Variants in DLL4 observed in about 807,000 individuals in gnomAD.
DLL4 encodes the protein delta-like protein 4.
In DLL4, 7 loss-of-function variants were observed where a neutral mutation model predicts 73.6. The observed-to-expected ratio is 0.10, with a 90% confidence interval of 0.05 to 0.18. The LOEUF is 0.18. Among genes scored for constraint, DLL4 ranks in the 10% least tolerant of loss-of-function variants. DLL4 has a pLI of 1.00. For missense variants in DLL4, 614 were observed against 929.9 expected (o/e 0.66, Z 4.42); for synonymous variants, 345 against 374.3 (o/e 0.92, Z 0.90).
chr15:40,929,476 G>A lies in DLL4; in HGVS notation c.-193G>A, dbSNP rs1596191239. ...AAGACGCGTCCTCGGCGCGGTCGCC[G>A]CCCAGCCGTAGTCACCTGGATTACC... On this transcript the variant is annotated 5_prime_UTR_variant, in exon 1 of 11. Transcript: ENST00000249749. The surrounding 1 kb of genome is among the most constrained non-coding windows in gnomAD (Gnocchi z 7.1). 1.7e-6 allele frequency: 1 copy of A among 572,894 alleles called. No homozygotes were observed. Among genetic ancestry groups the A allele is most frequent in the East Asian group, 3.1e-5 (1 of 32,024 alleles). The allele number at this position is 572,894 out of a possible 1,614,324, so 35.5% of individuals were successfully genotyped here. A position where few individuals can be genotyped will look rare whatever the true frequency, so the allele number is the denominator to read the frequency against.
chr15:40,936,499 T>A lies in DLL4; in HGVS notation c.1512T>A (p.Phe504Leu). The A allele has an allele frequency of 6.2e-7, 1 of 1,611,856 alleles. No individual in the cohort carries two copies. The highest frequency in any genetic ancestry group is 8.5e-7 in the Non-Finnish European group (1 of 1,179,646). The change falls in exon 9 of 11, where the codon TTT becomes TTA. Residue 504 changes from phenylalanine to leucine, a missense_variant. Physicochemically the swap from Phe to Leu is conservative, Grantham distance 22. Transcript: ENST00000249749. ...ACACCGACCTCTCCACAGACACCTT[T>A]GTGTGCAACTGCCCTTATGGCTTTG... is the stretch of plus-strand genomic sequence containing the variant. ...TCYTDLSTDT[F>L]VCNCPYGFVG...
chr15:40,930,538 T>C lies in DLL4; in HGVS notation c.337-87T>C. On this transcript the variant is annotated intron_variant, in intron 2 of 10. Coordinates refer to ENST00000249749, the MANE Select transcript of DLL4 (RefSeq NM_019074.4). This position sits in a 1 kb window ranked among gnomAD's most constrained non-coding sequence, Gnocchi z 5.7. ...GCAGTAACTGAATCCTGCAATTAGA[T>C]TAATTAAACAGGCTGCCGCAAGGCA... 1 of 1,084,604 alleles carries C rather than the reference T, an allele frequency of 9.2e-7. No homozygotes were observed. Among genetic ancestry groups the C allele is most frequent in the South Asian group, 1.3e-5 (1 of 75,418 alleles). The allele number at this position is 1,084,604 out of a possible 1,614,324, so 67.2% of individuals were successfully genotyped here.
Position 40,932,486 on chromosome 15 carries a change from G to A in DLL4, c.850+39G>A, listed in dbSNP as rs550507910. ...AAGAGAGGGTGCAGAGGGTGCAAGAGATATGGGGCTGGGGGGTGGAAATCC... is the reference window on the plus strand; with the variant it reads ...AAGAGAGGGTGCAGAGGGTGCAAGAAATATGGGGCTGGGGGGTGGAAATCC... On this transcript the variant is annotated intron_variant, in intron 6 of 10. Coordinates refer to ENST00000249749, the MANE Select transcript of DLL4 (RefSeq NM_019074.4). 6.8e-6 allele frequency: 11 copies of A among 1,611,982 alleles called. No homozygotes were observed. In the Admixed American group the frequency reaches 1.5e-4, roughly 22 times the overall value.
At position 40,931,593 on chromosome 15, in the gene DLL4, G is replaced by A. The variant is rs1234386751; in HGVS notation, c.485G>A (p.Ser162Asn). 6.2e-7 allele frequency: 1 copy of A among 1,612,920 alleles called. No homozygotes were observed. Among genetic ancestry groups the A allele is most frequent in the South Asian group, 1.1e-5 (1 of 90,806 alleles). ...AACTGGTTATTGGATGAGCAAACCA[G>A]CACCCTCACAAGGCTGCGCTACTCT... is the stretch of plus-strand genomic sequence containing the variant. ...GQNWLLDEQT[S>N]TLTRLRYSYR... Residue 162 changes from serine (S) to asparagine (N), a missense_variant, in exon 4 of 11, where the codon AGC becomes AAC. Ser to Asn is a conservative substitution (Grantham distance 46). Coordinates refer to ENST00000249749, the MANE Select transcript of DLL4 (RefSeq NM_019074.4).
intron 9 of DLL4, among the ~76,000 whole-genome samples, chr15:40,937,202 C>T (rs1407945592): frequency 6.6e-6 from 1 of 152,188 alleles, no homozygotes; most frequent in African/African-American, 2.4e-5. Flanking sequence ...TGGCTTTATG[C>T]AGGGCTCAGA....
At position 40,931,633 on chromosome 15, in the gene DLL4, C is replaced by T; in HGVS notation, c.525C>T (p.Cys175=). The change falls in exon 4 of 11, where the codon TGC becomes TGT. Residue 175 remains cysteine, a synonymous_variant. Transcript: ENST00000249749. The part of the protein sequence containing the change: ...TRLRYSYRVI[C]SDNYYGDNCS... ...TGCGCTACTCTTACCGGGTCATCTG[C>T]AGTGACAACTACTATGGAGACAACT... The T allele has an allele frequency of 1.2e-6, 2 of 1,613,348 alleles. No homozygotes were observed. Among genetic ancestry groups the T allele is most frequent in the Non-Finnish European group, 1.7e-6 (2 of 1,179,586 alleles).
At chr15:40,932,053 G>T in intron 4 of DLL4, 118 bp from the exon 5 acceptor site, 1 of 1,226,034 alleles carries the variant, frequency 8.2e-7, no homozygotes, top group Admixed American at 2.1e-5. Flanking sequence ...TCCTCTGGGA[G>T]GCCAGGAGTA....
chr15:40,933,310 AC>A (rs1280003909), intron 6 of DLL4, among the ~76,000 whole-genome samples: 1 of 147,268 alleles, frequency 6.8e-6, no homozygotes, highest in African/African-American at 2.5e-5. Context: ...CTGTCCCTTT[AC>A]TACCATCCCC....
At position 40,935,810 on chromosome 15, in the gene DLL4, A is replaced by C. The variant is rs150766164; in HGVS notation, c.1241-418A>C. 3.2e-4 allele frequency among the ~76,000 whole-genome samples: 48 copies of C among 152,318 alleles called. 1 individual carries two copies. The East Asian group carries it at 8.5e-3, about 27-fold the overall frequency. ...CATGATTGTACTTATCCGAGCATTA[A>C]CTATATACCAAACATGGGCTCTTGC... On this transcript the variant is annotated intron_variant, in intron 8 of 10. Coordinates refer to ENST00000249749, the MANE Select transcript of DLL4 (RefSeq NM_019074.4).
chr15:40,938,072 G>A lies in DLL4; in HGVS notation c.*38G>A, dbSNP rs200027644. The A allele has an allele frequency of 2.3e-4, 348 of 1,523,018 alleles. No homozygotes were observed. The African/African-American group carries it at 4.5e-3, about 20-fold the overall frequency. 94.3% of individuals were successfully genotyped at this position (1,523,018 alleles called of 1,614,324 possible). On this transcript the variant is annotated 3_prime_UTR_variant, in exon 11 of 11. Coordinates refer to ENST00000249749, the MANE Select transcript of DLL4 (RefSeq NM_019074.4). ...CCTGGACATCCCTGCTCAGCCCCGC[G>A]GCTGGACCTTCCTTCTGCATTGTTT...
chr15:40,931,858 A>C, intron 4 of DLL4, 92 bp downstream of exon 4: 1 of 1,513,654 alleles, frequency 6.6e-7, no homozygotes, highest in Non-Finnish European at 8.9e-7. Flanking sequence ...TCCCTTGAAG[A>C]GTGGGTCTGG....
At chr15:40,932,039 G>A in intron 4 of DLL4, 132 bp from the exon 5 acceptor site, 1 of 1,076,654 alleles carries the variant, frequency 9.3e-7, no homozygotes, top group Non-Finnish European at 1.3e-6. Context: ...AAGACACTCG[G>A]GGCTCCTCTG....
chr15:40,934,330 A>C (rs1892812386), intron 6 of DLL4, among the ~76,000 whole-genome samples: 1 of 151,960 alleles, frequency 6.6e-6, no homozygotes, highest in Non-Finnish European at 1.5e-5. Flanking sequence ...TGTTAAAAAA[A>C]AAAAAAAAAG....
intron 6 of DLL4, 29 bp from the exon 7 acceptor site, chr15:40,934,519 G>A (rs755410625): frequency 6.2e-7 from 1 of 1,610,198 alleles, no homozygotes; most frequent in Non-Finnish European, 8.5e-7. Flanking sequence ...CCCTGGCCCT[G>A]CTCAGCTGCT....
In DLL4 at chr15:40,936,419, C is replaced by T. The variant is rs367841822; in HGVS notation, c.1432C>T (p.Arg478Trp). 21 of 1,611,002 alleles carry T rather than the reference C, an allele frequency of 1.3e-5. 1 individual carries two copies. The highest frequency in any genetic ancestry group is 3.3e-5 in the South Asian group (3 of 90,696). The change falls in exon 9 of 11, where the codon CGG (arginine) becomes TGG (tryptophan). Residue 478 changes from arginine to tryptophan, a missense_variant. By Grantham distance (101) the Arg-to-Trp change is moderately radical. This residue lies in a region of DLL4 where 386 missense variants were observed against 541.3 expected (regional missense o/e 0.71). Transcript: ENST00000249749. ...AGFSGRRCEV[R>W]TSIDACASSP... ...CTTCTCTGGCCGACGCTGTGAGGTGCGGACATCCATCGATGCCTGTGCCTC... is the reference window on the plus strand; with the variant it reads ...CTTCTCTGGCCGACGCTGTGAGGTGTGGACATCCATCGATGCCTGTGCCTC...
chr15:40,930,147 G>T lies in DLL4; in HGVS notation c.336+31G>T. ...CACAGCCTGGGCGCACTGGGAGGTCGCAGAAGCCGAGAGAGGAGGCGCCCT... is the reference window on the plus strand; with the variant it reads ...CACAGCCTGGGCGCACTGGGAGGTCTCAGAAGCCGAGAGAGGAGGCGCCCT... On this transcript the variant is annotated intron_variant, in intron 2 of 10. Transcript: ENST00000249749. The surrounding 1 kb of genome is among the most constrained non-coding windows in gnomAD (Gnocchi z 5.7). The T allele has an allele frequency of 1.3e-6, 2 of 1,595,454 alleles. No homozygotes were observed. Among genetic ancestry groups the T allele is most frequent in the Non-Finnish European group, 1.7e-6 (2 of 1,171,682 alleles).
intron 10 of DLL4, 22 bp downstream of exon 10, chr15:40,937,548 C>T (rs760217276): frequency 2.0e-6 from 3 of 1,530,806 alleles, no homozygotes; most frequent in Non-Finnish European, 2.7e-6. Context: ...GCTCGCCTTT[C>T]CTTCTGCCTT....
In DLL4 at chr15:40,930,753, C is replaced by T. The variant is rs573854877; in HGVS notation, c.394+71C>T. The T allele has an allele frequency of 2.9e-5, 40 of 1,383,888 alleles. No individual in the cohort carries two copies. In the South Asian group the frequency reaches 4.3e-4, roughly 15 times the overall value. The allele number at this position is 1,383,888 out of a possible 1,614,324, so 85.7% of individuals were successfully genotyped here. A position where few individuals can be genotyped will look rare whatever the true frequency, so the allele number is the denominator to read the frequency against. On this transcript the variant is annotated intron_variant, in intron 3 of 10. Coordinates refer to ENST00000249749, the MANE Select transcript of DLL4 (RefSeq NM_019074.4). The surrounding 1 kb of genome is among the most constrained non-coding windows in gnomAD (Gnocchi z 5.7). ...GCCGAAAGAGTTAATCTGTTCTAGG[C>T]GGGGGAAGTGCGGGCTTGGGGGTGG...
rs1892823951 is a variant in DLL4 at position 40,935,048 on chromosome 15, C to T, written c.1171C>T (p.Pro391Ser). 2.5e-6 allele frequency: 4 copies of T among 1,613,390 alleles called. No individual in the cohort carries two copies. Among genetic ancestry groups the T allele is most frequent in the Non-Finnish European group, 3.4e-6 (4 of 1,179,872 alleles). The change falls in exon 8 of 11, where the codon CCC becomes TCC. Residue 391 changes from proline to serine, a missense_variant. By Grantham distance (74) the Pro-to-Ser change is moderately conservative (BLOSUM62 -1). Coordinates refer to ENST00000249749, the MANE Select transcript of DLL4 (RefSeq NM_019074.4). ...GGGGGCCAACTATGCTTGTGAATGTCCCCCCAACTTCACCGGCTCCAACTG... is the reference window on the plus strand; with the variant it reads ...GGGGGCCAACTATGCTTGTGAATGTTCCCCCAACTTCACCGGCTCCAACTG... ...NQGANYACEC[P>S]PNFTGSNCEK...
Sources: allele counts gnomAD v4.1 joint callset (sites outside exome capture counted in the v4.1 genomes callset), GRCh38; gene constraint gnomAD v4.1.1; regional missense constraint gnomAD v4.1.1; non-coding constraint Gnocchi (gnomAD v3.1); transcripts MANE v1.5; gene names NCBI Gene and HGNC (gene_info 2026-07-23, HGNC 2026-07-21).